NAA25: variants seen among roughly 807,000 people sequenced by gnomAD.
The protein encoded by NAA25 is N-terminal acetyltransferase B complex subunit NAA25.
Under a neutral mutation model 132.5 loss-of-function variants are expected in NAA25, and 30 were observed. That is an observed-to-expected ratio of 0.23 (90% CI 0.17 to 0.31). The LOEUF (loss-of-function observed/expected upper bound fraction) is 0.31. Among genes scored for constraint, NAA25 ranks in the 10% least tolerant of loss-of-function variants. The probability of loss-of-function intolerance (pLI) is 1.00; values close to 1 mark genes in which losing one functional copy is unlikely to be tolerated. For synonymous variants in NAA25, 359 were observed against 401.9 expected (o/e 0.89, Z 1.28); for missense variants, 771 against 1,150.4 (o/e 0.67, Z 4.77).
At chr12:112,039,058 G>A (rs751630250) in intron 22 of NAA25, among the ~76,000 whole-genome samples, 171 bp downstream of exon 22, 3 of 152,066 alleles carry the variant, frequency 2.0e-5, no homozygotes, top group Admixed American at 1.3e-4. Flanking sequence ...ATCTCATAAC[G>A]TTTTAAGAAA....
At position 112,033,461 on chromosome 12, in the gene NAA25, G is replaced by A. The variant is rs1373932701; in HGVS notation, c.2650-82C>T. 3.0e-6 allele frequency: 4 copies of A among 1,318,654 alleles called. No individual in the cohort carries two copies. In the East Asian group the frequency reaches 7.7e-5, roughly 25 times the overall value. 81.7% of individuals were successfully genotyped at this position (1,318,654 alleles called of 1,614,324 possible). On this transcript the variant is annotated intron_variant, in intron 22 of 23. Transcript: ENST00000261745. ...CATCACAAAAGCTACTGAAAGATGTGAGGGAATTTAAATAGTGGCATTTCA... is the reference window on the plus strand; with the variant it reads ...CATCACAAAAGCTACTGAAAGATGTAAGGGAATTTAAATAGTGGCATTTCA...
At position 112,039,345 on chromosome 12, in the gene NAA25, A is replaced by G; in HGVS notation, c.2539-6T>C. 1 of 1,576,794 alleles carries G rather than the reference A, an allele frequency of 6.3e-7. No individual in the cohort carries two copies. The highest frequency in any genetic ancestry group is 8.7e-7 in the Non-Finnish European group (1 of 1,151,296). Reference sequence around the variant, plus strand: ...CAAAGGATAACAGAAATAGTCTGAAAGGAAAAATTGCAAATTCACCAATAA... The same window carrying G: ...CAAAGGATAACAGAAATAGTCTGAAGGGAAAAATTGCAAATTCACCAATAA... On this transcript the variant is annotated splice_polypyrimidine_tract_variant and splice_region_variant and intron_variant, in intron 21 of 23. Transcript: ENST00000261745.
intron 1 of NAA25, among the ~76,000 whole-genome samples, chr12:112,099,363 G>C (rs2079259202): frequency 6.6e-6 from 1 of 151,518 alleles, no homozygotes; most frequent in African/African-American, 2.4e-5. Flanking sequence ...ACATTGTTTA[G>C]TTTTCATTGT....
In NAA25 at chr12:112,053,642, T is replaced by C; in HGVS notation, c.1644A>G (p.Arg548=). ...CATACTGACCTAGAGATTCAGCATA[T>C]CGGGTCAAAAGATAACTAGATCAGA... is the stretch of plus-strand genomic sequence containing the variant. ...QHDTIGYLLT[R]YAESLGQYAA... The change falls in exon 15 of 24, where the codon CGA becomes CGG. Residue 548 remains arginine, a synonymous_variant. Transcript: ENST00000261745. 6.2e-7 allele frequency: 1 copy of C among 1,603,770 alleles called. No homozygotes were observed. The highest frequency in any genetic ancestry group is 8.5e-7 in the Non-Finnish European group (1 of 1,173,954).
At chr12:112,069,885 C>T (rs534692762) in intron 10 of NAA25, among the ~76,000 whole-genome samples, 13 of 150,096 alleles carry the variant, frequency 8.7e-5, no homozygotes, top group Non-Finnish European at 1.5e-4. Flanking sequence ...CCCAGCACTT[C>T]GGGAGGCCAA....
chr12:112,036,449 T>C (rs2078224783), intron 22 of NAA25, among the ~76,000 whole-genome samples: 3 of 152,172 alleles, frequency 2.0e-5, no homozygotes, highest in Non-Finnish European at 4.4e-5. Context: ...TGCAGGGTTC[T>C]CACTCTGAGA....
intron 7 of NAA25, among the ~76,000 whole-genome samples, chr12:112,076,714 C>T (rs2078900136): frequency 6.6e-6 from 1 of 151,536 alleles, no homozygotes; most frequent in South Asian, 2.1e-4. Flanking sequence ...AAAAAAGGGC[C>T]AGGCCTGACA....
At position 112,028,013 on chromosome 12, in the gene NAA25, T is replaced by TA. The variant is rs2078105255; in HGVS notation, c.*1517_*1518insT. 6.6e-6 allele frequency: 1 copy of TA among 152,212 alleles called. No homozygotes were observed. The highest frequency in any genetic ancestry group is 6.5e-5 in the Admixed American group (1 of 15,280). 9.4% of individuals were successfully genotyped at this position (152,212 alleles called of 1,614,324 possible). On this transcript the variant is annotated 3_prime_UTR_variant, in exon 24 of 24. Transcript: ENST00000261745. The stretch of plus-strand genomic sequence containing the variant: ...CAGGTAATGTAGTAATTGTTTAAAA[T>TA]TTCCTTGGAAGTTTAAGCACTGTAT...
chr12:112,080,804 A>G (rs577857285), intron 5 of NAA25, among the ~76,000 whole-genome samples: 1 of 152,192 alleles, frequency 6.6e-6, no homozygotes, highest in East Asian at 1.9e-4. Context: ...TGACCAAAAA[A>G]TAAATTTTTT....
intron 2 of NAA25, among the ~76,000 whole-genome samples, chr12:112,091,496 C>T (rs770222359): frequency 6.6e-6 from 1 of 152,044 alleles, no homozygotes; most frequent in Admixed American, 6.6e-5. Context: ...CAAGACTAGC[C>T]TAGGTAGGCA....
intron 11 of NAA25, among the ~76,000 whole-genome samples, chr12:112,068,013 CAGGCGT>C (rs2078744582): frequency 6.6e-6 from 1 of 152,180 alleles, no homozygotes; most frequent in African/African-American, 2.4e-5. Context: ...GCTGGGATTA[CAGGCGT>C]AAGCCACCAC....
At position 112,073,936 on chromosome 12, in the gene NAA25, A is replaced by T. The variant is rs1045258765; in HGVS notation, c.866+739T>A. Among the ~76,000 whole-genome samples the T allele has an allele frequency of 1.2e-4, 18 of 152,170 alleles. 1 individual carries two copies. Among genetic ancestry groups the T allele is most frequent in the Non-Finnish European group, 5.9e-5 (4 of 68,028 alleles). On this transcript the variant is annotated intron_variant, in intron 9 of 23. Transcript: ENST00000261745. Reference sequence around the variant, plus strand: ...ACTGGGGGGAAAAAAAATGAAAGAGATCTACATGTACCAGAAATGAAAGAT... The same window carrying T: ...ACTGGGGGGAAAAAAAATGAAAGAGTTCTACATGTACCAGAAATGAAAGAT...
chr12:112,097,651 C>T (rs1388372371), intron 1 of NAA25, among the ~76,000 whole-genome samples: 2 of 149,748 alleles, frequency 1.3e-5, no homozygotes, highest in African/African-American at 2.5e-5. Flanking sequence ...TCTTTATTCA[C>T]ACAGCATTTA....
At chr12:112,052,185 G>A (rs1424501114) in intron 15 of NAA25, among the ~76,000 whole-genome samples, 1 of 152,072 alleles carries the variant, frequency 6.6e-6, no homozygotes, top group Non-Finnish European at 1.5e-5. Context: ...AAACAGGAGG[G>A]CAAGTACAGA....
intron 1 of NAA25, among the ~76,000 whole-genome samples, chr12:112,096,983 G>A (rs966930023): frequency 1.3e-5 from 2 of 152,110 alleles, no homozygotes; most frequent in African/African-American, 2.4e-5. Context: ...TGTAGTTGAC[G>A]AGGTTCTGAT....
intron 22 of NAA25, chr12:112,034,413 G>A (rs1025089453): frequency 6.6e-6 from 1 of 152,158 alleles, no homozygotes; most frequent in South Asian, 2.1e-4. Flanking sequence ...ATCACTTGAG[G>A]TCAGGAGTTC....
chr12:112,087,584 T>G, intron 4 of NAA25, 99 bp downstream of exon 4: 1 of 751,602 alleles, frequency 1.3e-6, no homozygotes, highest in Non-Finnish European at 2.2e-6. Context: ...TAAATTCAAT[T>G]CTACACACAC....
At chr12:112,033,137 T>C (rs1012434147) in intron 23 of NAA25, 96 bp downstream of exon 23, 15 of 1,351,218 alleles carry the variant, frequency 1.1e-5, no homozygotes, top group African/African-American at 5.9e-5. Context: ...AAATGATAAA[T>C]TGAACTTTAA....
At chr12:112,076,071 C>G (rs1214888998) in intron 7 of NAA25, among the ~76,000 whole-genome samples, 1 of 151,988 alleles carries the variant, frequency 6.6e-6, no homozygotes, top group Non-Finnish European at 1.5e-5. Context: ...TTAGTAGAGA[C>G]AGGATTTCAC....
Sources: gnomAD v4.1 joint callset for allele counts (sites outside exome capture counted in the v4.1 genomes callset) on GRCh38, gnomAD v4.1.1 for gene constraint, MANE v1.5 for transcripts, NCBI Gene and HGNC (gene_info 2026-07-23, HGNC 2026-07-21) for gene names.